Variants in ZNF138 observed in about 807,000 individuals in gnomAD.
ZNF138 encodes zinc finger protein 138 (clone pHZ-32).
ZNF138 carries 33 observed loss-of-function variants against 33.0 expected under a neutral mutation model. The ratio of observed to expected loss-of-function variants is 1.00; its 90% CI spans 0.76 to 1.34. The LOEUF is 1.34. Among genes scored for constraint, ZNF138 ranks in the 40% most tolerant of loss-of-function variants. ZNF138 has a pLI of 0.00. For synonymous variants in ZNF138, 139 were observed against 120.4 expected (o/e 1.15, Z -1.01); for missense variants, 360 against 370.8 (o/e 0.97, Z 0.24).
the ZNF138 span, among the ~76,000 whole-genome samples, chr7:64,854,295 C>A: frequency 6.6e-6 from 1 of 152,134 alleles, no homozygotes; most frequent in Non-Finnish European, 1.5e-5. Context: ...GGCTGAAGTG[C>A]AGTGACGTGA....
downstream of ZNF138, among the ~76,000 whole-genome samples, chr7:64,837,501 C>T (rs778793032): frequency 6.6e-6 from 1 of 151,958 alleles, no homozygotes; most frequent in African/African-American, 2.4e-5. Flanking sequence ...GAGGAAGGGG[C>T]GCCTGTATAG....
intron 1 of ZNF138, among the ~76,000 whole-genome samples, chr7:64,796,626 A>G (rs1056865572): frequency 2.0e-5 from 3 of 152,146 alleles, no homozygotes; most frequent in African/African-American, 7.2e-5. Flanking sequence ...GAGTTTAGGA[A>G]TTTTCTCAGG....
intron 1 of ZNF138, among the ~76,000 whole-genome samples, chr7:64,795,992 G>A (rs1257829428): frequency 2.0e-5 from 3 of 152,216 alleles, no homozygotes; most frequent in African/African-American, 7.2e-5. Flanking sequence ...CTGGGGCTGA[G>A]AGGAATCTCC....
chr7:64,851,911 A>G, the ZNF138 span, among the ~76,000 whole-genome samples: 1 of 152,176 alleles, frequency 6.6e-6, no homozygotes, highest in Non-Finnish European at 1.5e-5. Flanking sequence ...CAAACACTCA[A>G]AGGAATCATG....
the ZNF138 span, among the ~76,000 whole-genome samples, chr7:64,850,822 A>G: frequency 6.6e-6 from 1 of 152,220 alleles, no homozygotes; most frequent in Non-Finnish European, 1.5e-5. Context: ...ACTCTTATTT[A>G]TTGATTCTTT....
chr7:64,841,425 A>G, the ZNF138 span, among the ~76,000 whole-genome samples: 1 of 152,242 alleles, frequency 6.6e-6, no homozygotes, highest in South Asian at 2.1e-4. Context: ...GCGAACAAAC[A>G]TGACAGTGCT....
intron 1 of ZNF138, among the ~76,000 whole-genome samples, chr7:64,806,534 A>G (rs968662973): frequency 2.0e-5 from 3 of 152,096 alleles, no homozygotes; most frequent in African/African-American, 7.2e-5. Flanking sequence ...CAGTACCTAA[A>G]TTTGCAGCTC....
At chr7:64,850,434 G>A in the ZNF138 span, among the ~76,000 whole-genome samples, 1 of 152,192 alleles carries the variant, frequency 6.6e-6, no homozygotes, top group African/African-American at 2.4e-5. Flanking sequence ...CTCTGAGTGG[G>A]AGCTGCAATC....
intron 3 of ZNF138, among the ~76,000 whole-genome samples, chr7:64,824,591 C>T (rs758032501): frequency 2.0e-5 from 3 of 152,078 alleles, no homozygotes; most frequent in Non-Finnish European, 4.4e-5. Flanking sequence ...GTATTTCTTA[C>T]TTGACTTTTG....
At chr7:64,847,330 ATAT>A in the ZNF138 span, among the ~76,000 whole-genome samples, 22 of 111,356 alleles carry the variant, frequency 2.0e-4, no homozygotes, top group African/African-American at 6.0e-4. Flanking sequence ...ATATATATAT[ATAT>A]TTTTTTTTTT....
chr7:64,799,872 C>T (rs1024428584), intron 1 of ZNF138, among the ~76,000 whole-genome samples: 14 of 152,128 alleles, frequency 9.2e-5, no homozygotes, highest in African/African-American at 3.4e-4. Flanking sequence ...AACTCCTGAC[C>T]TCAGGTGTTA....
At chr7:64,818,241 C>G (rs951973102) in intron 3 of ZNF138, among the ~76,000 whole-genome samples, 5 of 151,996 alleles carry the variant, frequency 3.3e-5, no homozygotes, top group Admixed American at 2.0e-4. Context: ...CCACCTCGGC[C>G]TCCCAATGTG....
intron 3 of ZNF138, among the ~76,000 whole-genome samples, chr7:64,825,154 C>CTTTTTTTT (rs71061316): frequency 2.2e-5 from 1 of 46,020 alleles, no homozygotes; most frequent in Non-Finnish European, 3.6e-5. Flanking sequence ...GTTGTATGCT[C>CTTTTTTTT]TTTTTTTTTT....
At chr7:64,835,657 T>C (rs1251537306), downstream of ZNF138, 1 of 152,146 alleles carries the variant, frequency 6.6e-6, no homozygotes, top group Non-Finnish European at 1.5e-5. Flanking sequence ...TGTCCCTCCT[T>C]TTTCTGCTGT....
At position 64,831,950 on chromosome 7, in the gene ZNF138, A is replaced by C. The variant is rs1382722657; in HGVS notation, c.708A>C (p.Ser236=). 1 of 1,613,430 alleles carries C rather than the reference A, an allele frequency of 6.2e-7. No individual in the cohort carries two copies. The highest frequency in any genetic ancestry group is 1.1e-5 in the South Asian group (1 of 90,998). Residue 236 remains serine (S), a synonymous_variant, in exon 4 of 4, where the codon TCA becomes TCC. Coordinates refer to ENST00000307355, the MANE Select transcript of ZNF138 (RefSeq NM_001271639.2). ...GTGGAAAAGCCTTTCACCAATCCTC[A>C]ATCCTTACTAAACATAAGATAATTC... is the stretch of plus-strand genomic sequence containing the variant. ...EVCGKAFHQS[S]ILTKHKIIRT...
At position 64,831,460 on chromosome 7, in the gene ZNF138, C is replaced by A. The variant is rs1790072409; in HGVS notation, c.218C>A (p.Ser73Tyr). The A allele has an allele frequency of 6.4e-7, 1 of 1,551,062 alleles. No individual in the cohort carries two copies. The highest frequency in any genetic ancestry group is 8.7e-7 in the Non-Finnish European group (1 of 1,154,316). The change falls in exon 4 of 4, where the codon TCT (serine) becomes TAT (tyrosine). Residue 73 changes from serine (S) to tyrosine (Y), a missense_variant. Ser to Tyr is a moderately radical substitution (Grantham distance 144, BLOSUM62 -2). Transcript: ENST00000307355. ...MVVAKHSALC[S>Y]RFAQDLWLEQ... is the part of the protein sequence containing the mutation. ...TTTTTGTTTCTTTCAGCTCTGTGTT[C>A]TCGTTTTGCCCAAGACCTTTGGCTA...
intron 3 of ZNF138, among the ~76,000 whole-genome samples, chr7:64,815,921 G>A (rs6943573): frequency 0.99 from 150,060 of 152,266 alleles, 73,981 homozygotes; most frequent in East Asian, 1. Context: ...TGCACAATCT[G>A]ACTGCTTTTT....
In ZNF138 at chr7:64,815,030, A is replaced by T; in HGVS notation, c.116A>T (p.Asn39Ile). The change falls in exon 2 of 4, where the codon AAC (asparagine) becomes ATC (isoleucine). Residue 39 changes from asparagine (N) to isoleucine (I), a missense_variant. Coordinates refer to ENST00000307355, the MANE Select transcript of ZNF138 (RefSeq NM_001271639.2). ...CATGTGATGTTAGAGAACTACAGAA[A>T]CCTGGTTTTCTTGGGTGAGAATAAC... is the stretch of plus-strand genomic sequence containing the variant. ...YRHVMLENYR[N>I]LVFLDLITCL... 6.2e-7 allele frequency: 1 copy of T among 1,606,250 alleles called. No homozygotes were observed. Among genetic ancestry groups the T allele is most frequent in the Non-Finnish European group, 8.5e-7 (1 of 1,176,944 alleles).
At chr7:64,837,642 C>T (rs993852288), downstream of ZNF138, among the ~76,000 whole-genome samples, 1 of 152,174 alleles carries the variant, frequency 6.6e-6, no homozygotes, top group African/African-American at 2.4e-5. Flanking sequence ...TTTGACAAGG[C>T]TGTTGGCGCG....
Sources: gnomAD v4.1 joint callset for allele counts (sites outside exome capture counted in the v4.1 genomes callset) on GRCh38, gnomAD v4.1.1 for gene constraint, MANE v1.5 for transcripts, NCBI Gene and HGNC (gene_info 2026-07-23, HGNC 2026-07-21) for gene names.